Variants in CHL1 observed in about 807,000 individuals in gnomAD.
CHL1 encodes the protein neural cell adhesion molecule L1-like protein.
CHL1 carries 96 observed loss-of-function variants against 141.9 expected under a neutral mutation model. The observed-to-expected ratio is 0.68, with a 90% CI of 0.57 to 0.80. The LOEUF (loss-of-function observed/expected upper bound fraction) is 0.80. Among genes scored for constraint, CHL1 ranks in the 30% least tolerant of loss-of-function variants. CHL1 has a pLI of 0.00. For missense variants in CHL1, 1,820 were observed against 1,457.2 expected, an observed-to-expected ratio of 1.25 and a Z score of -4.05; for synonymous variants, 613 against 502.2, an observed-to-expected ratio of 1.22 and a Z score of -2.95.
At chr3:397,569 A>G (rs551228699) in intron 24 of CHL1, among the ~76,000 whole-genome samples, 1 of 152,248 alleles carries the variant, frequency 6.6e-6, no homozygotes, top group East Asian at 1.9e-4. Flanking sequence ...AGAAGTTAAC[A>G]TATTTTTGTT....
Position 281,055 on chromosome 3 carries a change from A to AT in CHL1, c.-95+36369dup, listed in dbSNP as rs202028059. On this transcript the variant is annotated intron_variant, in intron 2 of 27. Transcript: ENST00000256509. ...GGGACATCTGACAATGTCTAGATAC[A>AT]TTTTTTGGTAGTAATGACTTGTATT... Among the ~76,000 whole-genome samples, 1,057 of 152,178 alleles carry AT rather than the reference A, an allele frequency of 6.9e-3. 12 individuals carry two copies. The highest frequency in any genetic ancestry group is 0.024 in the African/African-American group (987 of 41,502).
chr3:337,485 T>G (rs188154707), intron 5 of CHL1, among the ~76,000 whole-genome samples: 38 of 152,132 alleles, frequency 2.5e-4, no homozygotes, highest in Admixed American at 2.3e-3. Context: ...TCATTTACAT[T>G]AGGTATGTCT....
In CHL1 at chr3:346,246, A is replaced by G. The variant is rs562948520; in HGVS notation, c.848+1537A>G. On this transcript the variant is annotated intron_variant, in intron 9 of 27. Coordinates refer to ENST00000256509, the MANE Select transcript of CHL1 (RefSeq NM_006614.4). ...AGTTGCTTGTCTGTCTTCAACTCCC[A>G]ATGTGTATTTACATAAATTAGTTAG... Among the ~76,000 whole-genome samples, 4 of 152,278 alleles carry G rather than the reference A, an allele frequency of 2.6e-5. No homozygotes were observed. The South Asian group carries it at 8.3e-4, about 32-fold the overall frequency.
chr3:389,373 C>T lies in CHL1; in HGVS notation c.2369C>T (p.Thr790Met), dbSNP rs370481959. ...TVTNHTLRVMTPAVYAPYDVK... is the reference protein window; with the variant it reads ...TVTNHTLRVMMPAVYAPYDVK... Reference sequence around the variant, plus strand: ...ACAAACCACACATTGCGGGTGATGACGCCTGCTGTCTATGCCCCTTATGAT... The same window carrying T: ...ACAAACCACACATTGCGGGTGATGATGCCTGCTGTCTATGCCCCTTATGAT... Residue 790 changes from threonine (T) to methionine (M), a missense_variant, in exon 20 of 28, where the codon ACG (threonine) becomes ATG (methionine). By Grantham distance (81) the Thr-to-Met change is moderately conservative. Transcript: ENST00000256509. 12 of 1,614,156 alleles carry T rather than the reference C, an allele frequency of 7.4e-6. No individual in the cohort carries two copies. Among genetic ancestry groups the T allele is most frequent in the South Asian group, 1.1e-5 (1 of 91,084 alleles).
chr3:374,192 G>A (rs952718127), intron 15 of CHL1: 1 of 152,046 alleles, frequency 6.6e-6, no homozygotes, highest in Non-Finnish European at 1.5e-5. Context: ...CTCAGCCTTG[G>A]TTCTTGATTT....
At chr3:285,373 T>A (rs1697034537) in intron 2 of CHL1, among the ~76,000 whole-genome samples, 1 of 152,208 alleles carries the variant, frequency 6.6e-6, no homozygotes, top group African/African-American at 2.4e-5. Context: ...AAAAGTAGTG[T>A]CACCAGAGGA....
intron 1 of CHL1, among the ~76,000 whole-genome samples, chr3:199,447 C>T (rs1350620075): frequency 6.6e-6 from 1 of 152,192 alleles, no homozygotes; most frequent in Non-Finnish European, 1.5e-5. Flanking sequence ...ATTGATTCCT[C>T]ATGGTTATAT....
chr3:234,539 A>T (rs1391398523), intron 1 of CHL1, among the ~76,000 whole-genome samples: 4 of 152,268 alleles, frequency 2.6e-5, no homozygotes, highest in Admixed American at 1.3e-4. Context: ...AAAATTAGTG[A>T]TATTTAAAGG....
intron 2 of CHL1, among the ~76,000 whole-genome samples, chr3:319,100 C>T (rs1469918951): frequency 1.7e-5 from 2 of 116,412 alleles, no homozygotes; most frequent in Non-Finnish European, 3.7e-5. Flanking sequence ...AAGTGGAAGT[C>T]CAACACTGAA....
At chr3:206,790 A>G (rs1699481252) in intron 1 of CHL1, among the ~76,000 whole-genome samples, 1 of 152,052 alleles carries the variant, frequency 6.6e-6, no homozygotes, top group African/African-American at 2.4e-5. Flanking sequence ...ATGAAACTTC[A>G]CTCTCATTAT....
intron 2 of CHL1, among the ~76,000 whole-genome samples, chr3:288,378 C>A (rs1697363775): frequency 6.6e-6 from 1 of 151,786 alleles, no homozygotes; most frequent in African/African-American, 2.4e-5. Context: ...TATGCATATA[C>A]AATGTACAAT....
chr3:259,720 A>T (rs1309910463), intron 2 of CHL1, among the ~76,000 whole-genome samples: 3 of 151,964 alleles, frequency 2.0e-5, no homozygotes, highest in Non-Finnish European at 1.5e-5. Flanking sequence ...TTGTTTTTTT[A>T]CCACTGCTAT....
intron 1 of CHL1, among the ~76,000 whole-genome samples, chr3:229,244 T>C (rs921585715): frequency 3.3e-5 from 5 of 152,204 alleles, no homozygotes; most frequent in African/African-American, 9.6e-5. Context: ...TCCTTCATAA[T>C]GTTTTTTTCC....
chr3:198,138 G>A (rs1698548007), intron 1 of CHL1: 2 of 217,628 alleles, frequency 9.2e-6, no homozygotes, highest in Admixed American at 5.5e-5. Context: ...CAGGGTGGGC[G>A]TTTGGGCTGC....
intron 24 of CHL1, 131 bp downstream of exon 24, chr3:395,003 T>G (rs867511917): frequency 1.3e-6 from 1 of 754,642 alleles, no homozygotes; most frequent in Non-Finnish European, 2.0e-6. Context: ...CCACTCTGTC[T>G]GACCTTCTGT....
chr3:253,653 T>A (rs1047430615), intron 2 of CHL1, among the ~76,000 whole-genome samples: 4 of 152,188 alleles, frequency 2.6e-5, no homozygotes, highest in Admixed American at 2.6e-4. Flanking sequence ...CACAACAGTA[T>A]CTTAATACTT....
intron 2 of CHL1, among the ~76,000 whole-genome samples, chr3:292,429 T>C (rs1697774882): frequency 6.6e-6 from 1 of 152,192 alleles, no homozygotes; most frequent in Non-Finnish European, 1.5e-5. Flanking sequence ...ATTCAGTAAG[T>C]CCTCTTTTTA....
chr3:216,536 C>T (rs1331950163), intron 1 of CHL1, among the ~76,000 whole-genome samples: 2 of 152,108 alleles, frequency 1.3e-5, no homozygotes, highest in Non-Finnish European at 2.9e-5. Context: ...CTACACCAAC[C>T]CTGTCTATTA....
intron 2 of CHL1, among the ~76,000 whole-genome samples, chr3:258,473 A>G (rs1210798152): frequency 6.6e-6 from 1 of 152,176 alleles, no homozygotes; most frequent in Non-Finnish European, 1.5e-5. Flanking sequence ...AAGAATTTTC[A>G]TTTGTTTTCC....
Sources: gnomAD v4.1 joint callset for allele counts (sites outside exome capture counted in the v4.1 genomes callset) on GRCh38, gnomAD v4.1.1 for gene constraint, MANE v1.5 for transcripts, NCBI Gene and HGNC (gene_info 2026-07-23, HGNC 2026-07-21) for gene names.